PRKAR2B: variants seen among roughly 807,000 people sequenced by gnomAD.
The protein encoded by PRKAR2B is protein kinase cAMP-dependent type II regulatory subunit beta, also known as cAMP-dependent protein kinase type II-beta regulatory subunit.
In PRKAR2B, 14 loss-of-function variants were observed where a neutral mutation model predicts 49.9. The ratio of observed to expected loss-of-function variants is 0.28; its 90% confidence interval spans 0.19 to 0.44. The LOEUF (loss-of-function observed/expected upper bound fraction) is 0.44. PRKAR2B is among the 20% of genes least tolerant of loss of function. The pLI is 1.00. For synonymous variants in PRKAR2B, 196 were observed against 197.7 expected (o/e 0.99, Z 0.07); for missense variants, 393 against 537.9 (o/e 0.73, Z 2.67).
intron 4 of PRKAR2B, among the ~76,000 whole-genome samples, chr7:107,138,167 CAT>C (rs1795731733): frequency 6.6e-6 from 1 of 151,834 alleles, no homozygotes; most frequent in Non-Finnish European, 1.5e-5. Flanking sequence ...ATGGTGGATA[CAT>C]GTCTTTACAC....
chr7:107,101,176 T>G (rs532289669), intron 2 of PRKAR2B, among the ~76,000 whole-genome samples: 2 of 140,842 alleles, frequency 1.4e-5, no homozygotes, highest in South Asian at 4.6e-4. Context: ...GTCTACTAAA[T>G]CTGTATGCTC....
intron 3 of PRKAR2B, 110 bp downstream of exon 3, chr7:107,122,114 G>T: frequency 1.6e-6 from 1 of 611,800 alleles, no homozygotes; most frequent in Non-Finnish European, 2.7e-6. Flanking sequence ...GAGACATAAT[G>T]GAATTATTTT....
Position 107,121,923 on chromosome 7 carries a change from C to CT in PRKAR2B, c.344-26dup, listed in dbSNP as rs1562863678. The CT allele has an allele frequency of 2.1e-6, 3 of 1,462,800 alleles. No homozygotes were observed. The South Asian group carries it at 3.6e-5, about 18-fold the overall frequency. 90.6% of individuals were successfully genotyped at this position (1,462,800 alleles called of 1,614,324 possible). On this transcript the variant is annotated intron_variant, in intron 2 of 10. Transcript: ENST00000265717. Reference sequence around the variant, plus strand: ...GTAGTATGGTTTTTGATGAAACAATCTTTAAGATGTTCATTTTTGTTTTTA... The same window carrying CT: ...GTAGTATGGTTTTTGATGAAACAATCTTTTAAGATGTTCATTTTTGTTTTTA...
chr7:107,119,666 A>G (rs551441723), intron 2 of PRKAR2B, among the ~76,000 whole-genome samples: 112 of 152,306 alleles, frequency 7.4e-4, no homozygotes, highest in African/African-American at 2.6e-3. Context: ...GAAACATTCA[A>G]TTTATTTAAC....
intron 4 of PRKAR2B, among the ~76,000 whole-genome samples, chr7:107,140,020 T>C (rs1434430072): frequency 6.6e-6 from 1 of 152,204 alleles, no homozygotes; most frequent in African/African-American, 2.4e-5. Context: ...ATCTTTAGAC[T>C]TTTCCATTGT....
chr7:107,152,948 T>A (rs891779426), intron 7 of PRKAR2B, among the ~76,000 whole-genome samples: 2 of 152,204 alleles, frequency 1.3e-5, no homozygotes, highest in Non-Finnish European at 2.9e-5. Context: ...ATTGTTGCCA[T>A]GTGGAAATAT....
At chr7:107,089,154 C>T (rs1008324292) in intron 2 of PRKAR2B, among the ~76,000 whole-genome samples, 2 of 151,950 alleles carry the variant, frequency 1.3e-5, no homozygotes, top group Non-Finnish European at 2.9e-5. Context: ...GGAAACAGAG[C>T]GAGACTCCAT....
At chr7:107,134,920 A>G (rs953608554) in intron 4 of PRKAR2B, among the ~76,000 whole-genome samples, 1 of 152,178 alleles carries the variant, frequency 6.6e-6, no homozygotes, top group South Asian at 2.1e-4. Context: ...ATGGTCTTAG[A>G]TTTAGCATTG....
chr7:107,065,966 G>C (rs1032081257), intron 1 of PRKAR2B, among the ~76,000 whole-genome samples: 1 of 152,194 alleles, frequency 6.6e-6, no homozygotes, highest in African/African-American at 2.4e-5. Context: ...ACTTGAATCA[G>C]TTACACTTCT....
At chr7:107,123,865 G>C (rs568676542) in intron 3 of PRKAR2B, among the ~76,000 whole-genome samples, 3 of 152,186 alleles carry the variant, frequency 2.0e-5, no homozygotes, top group African/African-American at 7.2e-5. Context: ...AGTACTTTTA[G>C]GTTATCAATT....
At chr7:107,087,829 C>T (rs886372430) in intron 2 of PRKAR2B, among the ~76,000 whole-genome samples, 9 of 152,146 alleles carry the variant, frequency 5.9e-5, no homozygotes, top group Admixed American at 5.2e-4. Context: ...ATTAGTCTTC[C>T]TCTTCTTTTC....
At chr7:107,102,016 A>G (rs532174936) in intron 2 of PRKAR2B, among the ~76,000 whole-genome samples, 5 of 152,102 alleles carry the variant, frequency 3.3e-5, no homozygotes, top group Non-Finnish European at 5.9e-5. Context: ...CAGGAGATCA[A>G]CAAGACTCAC....
chr7:107,146,145 A>G lies in PRKAR2B; in HGVS notation c.588-163A>G, dbSNP rs574496134. On this transcript the variant is annotated intron_variant, in intron 5 of 10. Coordinates refer to ENST00000265717, the MANE Select transcript of PRKAR2B (RefSeq NM_002736.3). ...TAGTCCCATTTTTCCCAGCAGGCAC[A>G]TGGTCTGGAACAGATGGCACAGATT... Among the ~76,000 whole-genome samples the G allele has an allele frequency of 3.3e-5, 5 of 152,166 alleles. No individual in the cohort carries two copies. In the South Asian group the frequency reaches 1.0e-3, roughly 32 times the overall value.
At chr7:107,155,315 G>A (rs1288580687) in intron 8 of PRKAR2B, among the ~76,000 whole-genome samples, 1 of 152,182 alleles carries the variant, frequency 6.6e-6, no homozygotes, top group Admixed American at 6.5e-5. Flanking sequence ...CACTTTGGGA[G>A]GCTGAGGCAG....
chr7:107,121,840 A>G (rs1795394478), intron 2 of PRKAR2B, 112 bp from the exon 3 acceptor site: 2 of 511,170 alleles, frequency 3.9e-6, no homozygotes, highest in African/African-American at 2.0e-5. Context: ...AGGTGAATTA[A>G]TGGTTTTTTA....
At chr7:107,115,418 G>A (rs927668164) in intron 2 of PRKAR2B, among the ~76,000 whole-genome samples, 9 of 152,244 alleles carry the variant, frequency 5.9e-5, no homozygotes, top group South Asian at 2.1e-4. Flanking sequence ...TTTATATTGC[G>A]TTTTTTATAG....
intron 3 of PRKAR2B, among the ~76,000 whole-genome samples, chr7:107,125,694 G>C (rs1473926888): frequency 6.6e-6 from 1 of 152,176 alleles, no homozygotes; most frequent in Non-Finnish European, 1.5e-5. Flanking sequence ...AGTGGACTCT[G>C]AGTGCTGAGG....
chr7:107,109,769 TA>T (rs916484863), intron 2 of PRKAR2B, among the ~76,000 whole-genome samples: 5 of 152,018 alleles, frequency 3.3e-5, no homozygotes, highest in African/African-American at 1.2e-4. Flanking sequence ...GAAACTCTCT[TA>T]AAAAAAATAG....
intron 2 of PRKAR2B, among the ~76,000 whole-genome samples, chr7:107,121,528 G>A (rs1309160963): frequency 5.3e-5 from 8 of 152,044 alleles, no homozygotes; most frequent in Non-Finnish European, 1.0e-4. Flanking sequence ...GCTGAAGTAC[G>A]CAAAATGTTA....
Sources: allele counts gnomAD v4.1 joint callset (sites outside exome capture counted in the v4.1 genomes callset), GRCh38; gene constraint gnomAD v4.1.1; transcripts MANE v1.5; gene names NCBI Gene and HGNC (gene_info 2026-07-23, HGNC 2026-07-21).